EPHA6: variants seen among roughly 807,000 people sequenced by gnomAD.
EPHA6 encodes ephrin type-A receptor 6.
Under a neutral mutation model 112.0 loss-of-function variants are expected in EPHA6, and 50 were observed. The ratio of observed to expected loss-of-function variants is 0.45; its 90% CI spans 0.36 to 0.56. The LOEUF (loss-of-function observed/expected upper bound fraction) is 0.56, where lower values mean the gene tolerates loss of function less well. EPHA6 is among the 20% of genes least tolerant of loss of function. EPHA6 has a pLI of 0.00. For synonymous variants in EPHA6, 529 were observed against 490.7 expected (o/e 1.08, Z -1.03); for missense variants, 1,280 against 1,417.4 (o/e 0.90, Z 1.56).
At chr3:97,211,619 C>T (rs769714024) in intron 3 of EPHA6, among the ~76,000 whole-genome samples, 15 of 152,094 alleles carry the variant, frequency 9.9e-5, no homozygotes, top group Non-Finnish European at 1.9e-4. Flanking sequence ...GGGCACTAAT[C>T]CCATTTAGAC....
At chr3:96,821,695 G>A (rs915295921) in intron 1 of EPHA6, among the ~76,000 whole-genome samples, 1 of 151,786 alleles carries the variant, frequency 6.6e-6, no homozygotes, top group African/African-American at 2.4e-5. Flanking sequence ...CTTTAAAAAT[G>A]TATTTGTTAT....
At chr3:96,840,567 G>GATGA (rs1398462845) in intron 1 of EPHA6, among the ~76,000 whole-genome samples, 1 of 152,070 alleles carries the variant, frequency 6.6e-6, no homozygotes, top group African/African-American at 2.4e-5. Flanking sequence ...AAGATGAGGA[G>GATGA]ATGAATGACT....
chr3:97,412,323 A>G (rs1156848031), intron 6 of EPHA6, among the ~76,000 whole-genome samples: 2 of 152,036 alleles, frequency 1.3e-5, no homozygotes, highest in East Asian at 3.9e-4. Context: ...CTAAATTGCT[A>G]TATTTCAGTC....
intron 14 of EPHA6, among the ~76,000 whole-genome samples, chr3:97,716,574 C>CAAAAA (rs1218426459): frequency 0.025 from 787 of 31,084 alleles, no homozygotes; most frequent in Non-Finnish European, 0.036. Context: ...GACTCCGTCT[C>CAAAAA]AAAAAAAAAA....
chr3:97,219,792 C>T (rs908610370), intron 3 of EPHA6, among the ~76,000 whole-genome samples: 10 of 152,196 alleles, frequency 6.6e-5, no homozygotes, highest in Admixed American at 4.6e-4. Context: ...TTTAATTTCT[C>T]CCCAGAAAAT....
At chr3:97,267,608 T>A (rs911906389) in intron 5 of EPHA6, among the ~76,000 whole-genome samples, 1 of 152,276 alleles carries the variant, frequency 6.6e-6, no homozygotes, top group African/African-American at 2.4e-5. Flanking sequence ...TATTTTAAAT[T>A]TGAAGTTCAC....
At chr3:97,603,505 A>G (rs1363052004) in intron 12 of EPHA6, among the ~76,000 whole-genome samples, 1 of 151,968 alleles carries the variant, frequency 6.6e-6, no homozygotes, top group African/African-American at 2.4e-5. Context: ...AATTTTAAAA[A>G]GGAAATGAAA....
At chr3:96,937,740 G>C (rs376365902) in intron 2 of EPHA6, among the ~76,000 whole-genome samples, 1 of 152,040 alleles carries the variant, frequency 6.6e-6, no homozygotes, top group Non-Finnish European at 1.5e-5. Context: ...TATGGTTTTA[G>C]GTCTAACATT....
intron 3 of EPHA6, among the ~76,000 whole-genome samples, chr3:97,056,289 G>T (rs995593555): frequency 4.6e-5 from 7 of 152,046 alleles, no homozygotes; most frequent in African/African-American, 1.4e-4. Flanking sequence ...TATTCATACT[G>T]CCCCCTTCGC....
intron 1 of EPHA6, among the ~76,000 whole-genome samples, chr3:96,842,623 A>ATC (rs2034817618): frequency 6.6e-6 from 1 of 152,100 alleles, no homozygotes; most frequent in Non-Finnish European, 1.5e-5. Context: ...CCAGTAATTA[A>ATC]TCTATTACAT....
At chr3:97,018,989 C>T (rs774213899) in intron 3 of EPHA6, among the ~76,000 whole-genome samples, 6 of 152,296 alleles carry the variant, frequency 3.9e-5, no homozygotes, top group Non-Finnish European at 8.8e-5. Flanking sequence ...GTCTTCTGGT[C>T]ACTCCTCACT....
At chr3:97,384,459 C>T (rs575490082) in intron 5 of EPHA6, among the ~76,000 whole-genome samples, 1 of 152,138 alleles carries the variant, frequency 6.6e-6, no homozygotes, top group South Asian at 2.1e-4. Context: ...CTCCTGCCAT[C>T]CCCACTCATT....
chr3:97,443,522 TAAAC>T (rs2090214812), intron 6 of EPHA6, among the ~76,000 whole-genome samples: 1 of 152,124 alleles, frequency 6.6e-6, no homozygotes. Flanking sequence ...TGGACTTTAT[TAAAC>T]AAATTCTATT....
chr3:97,571,413 G>A (rs2093332031), intron 11 of EPHA6, among the ~76,000 whole-genome samples: 1 of 151,822 alleles, frequency 6.6e-6, no homozygotes, highest in South Asian at 2.1e-4. Flanking sequence ...CCTTTCATTT[G>A]AAGCAATTGC....
chr3:96,855,540 AGATGT>A (rs1161100132), intron 1 of EPHA6, among the ~76,000 whole-genome samples: 1 of 152,152 alleles, frequency 6.6e-6, no homozygotes, highest in Non-Finnish European at 1.5e-5. Flanking sequence ...CAGTGAGTTC[AGATGT>A]GAACATGTTA....
At chr3:96,941,403 C>T (rs1009298369) in intron 2 of EPHA6, among the ~76,000 whole-genome samples, 1 of 152,198 alleles carries the variant, frequency 6.6e-6, no homozygotes, top group Non-Finnish European at 1.5e-5. Context: ...GCTCCTGAGG[C>T]TTCTGCATTC....
chr3:96,865,893 G>A (rs1453923326), intron 1 of EPHA6, among the ~76,000 whole-genome samples: 1 of 151,702 alleles, frequency 6.6e-6, no homozygotes, highest in Non-Finnish European at 1.5e-5. Flanking sequence ...TGCCAGAAAC[G>A]CTACAAAAAC....
intron 3 of EPHA6, among the ~76,000 whole-genome samples, chr3:97,030,466 G>A (rs556153711): frequency 3.3e-5 from 5 of 152,094 alleles, no homozygotes; most frequent in Admixed American, 1.3e-4. Context: ...CATAGAGCAC[G>A]GGTTATGTCT....
chr3:96,835,831 G>A (rs2034378201), intron 1 of EPHA6, among the ~76,000 whole-genome samples: 1 of 152,030 alleles, frequency 6.6e-6, no homozygotes, highest in African/African-American at 2.4e-5. Context: ...ACCCACATAA[G>A]TATTGTTTAT....
Sources: allele counts gnomAD v4.1 joint callset (sites outside exome capture counted in the v4.1 genomes callset), GRCh38; gene constraint gnomAD v4.1.1; transcripts MANE v1.5; gene names NCBI Gene and HGNC (gene_info 2026-07-23, HGNC 2026-07-21).